Variants in MEOX2 observed in about 807,000 individuals in gnomAD.
The protein encoded by MEOX2 is homeobox protein MOX-2.
MEOX2 carries 11 observed loss-of-function variants against 27.0 expected under a neutral mutation model. The ratio of observed to expected loss-of-function variants is 0.41; its 90% CI spans 0.26 to 0.68. The LOEUF is 0.68. MEOX2 is among the 30% of genes least tolerant of loss of function. The pLI is 0.33. For missense variants in MEOX2, 436 were observed against 385.4 expected (o/e 1.13, Z -1.10); for synonymous variants, 189 against 155.4 (o/e 1.22, Z -1.61).
chr7:15,661,858 C>G (rs1398495045), intron 1 of MEOX2, among the ~76,000 whole-genome samples: 1 of 152,112 alleles, frequency 6.6e-6, no homozygotes, highest in African/African-American at 2.4e-5. Context: ...TAATGACTGG[C>G]TGGGGTGGCA....
At chr7:15,645,251 A>C (rs1781622926) in intron 1 of MEOX2, among the ~76,000 whole-genome samples, 1 of 152,220 alleles carries the variant, frequency 6.6e-6, no homozygotes, top group Non-Finnish European at 1.5e-5. Context: ...GGGGCTATGC[A>C]AATGTCATTG....
rs1392613024 is a variant in MEOX2 at position 15,611,947 on chromosome 7, C to T, written c.*440G>A. 6.0e-6 allele frequency: 1 copy of T among 165,464 alleles called. No homozygotes were observed. Among genetic ancestry groups the T allele is most frequent in the African/African-American group, 2.4e-5 (1 of 41,738 alleles). The allele number at this position is 165,464 out of a possible 1,614,324, so 10.2% of individuals were successfully genotyped here. On this transcript the variant is annotated 3_prime_UTR_variant, in exon 3 of 3. Transcript: ENST00000262041. ...TTATTCTTGATAGCAATTTAATTTT[C>T]AGTGCAAGCAAAAGCAAATACCTGC...
At chr7:15,645,368 G>A (rs1371701898) in intron 1 of MEOX2, among the ~76,000 whole-genome samples, 3 of 152,066 alleles carry the variant, frequency 2.0e-5, no homozygotes, top group Non-Finnish European at 4.4e-5. Flanking sequence ...TAACAGCTAT[G>A]ACAAATCTAA....
chr7:15,618,874 A>G (rs1781167710), intron 2 of MEOX2, among the ~76,000 whole-genome samples: 1 of 151,972 alleles, frequency 6.6e-6, no homozygotes, highest in Non-Finnish European at 1.5e-5. Flanking sequence ...AGAAAAGTCA[A>G]TAATTTTAAT....
Position 15,686,028 on chromosome 7 carries a change from G to A in MEOX2, c.375C>T (p.Pro125=), listed in dbSNP as rs372315372. 3.1e-6 allele frequency: 5 copies of A among 1,606,616 alleles called. No individual in the cohort carries two copies. Among genetic ancestry groups the A allele is most frequent in the Non-Finnish European group, 4.2e-6 (5 of 1,179,418 alleles). ...AGCTGGAAGAGTTGGAGCACAGGACGGGCGGGCTGCTCCCCAACTCTGGGG... is the reference window on the plus strand; with the variant it reads ...AGCTGGAAGAGTTGGAGCACAGGACAGGCGGGCTGCTCCCCAACTCTGGGG... ...GGPPELGSSP[P]VLCSNSSSLG... The change falls in exon 1 of 3, where the codon CCC becomes CCT. Residue 125 remains proline, a synonymous_variant. Coordinates refer to ENST00000262041, the MANE Select transcript of MEOX2 (RefSeq NM_005924.5).
At chr7:15,679,417 C>T (rs1300277063) in intron 1 of MEOX2, 2 of 152,064 alleles carry the variant, frequency 1.3e-5, no homozygotes, top group Admixed American at 1.3e-4. Flanking sequence ...CCTATGCAAG[C>T]TTTAAGAAAC....
rs550353144 is a variant in MEOX2 at position 15,618,350 on chromosome 7, C to CT, written c.691-5740dup. 4.9e-3 allele frequency among the ~76,000 whole-genome samples: 752 copies of CT among 151,934 alleles called. 8 individuals carry two copies. Among genetic ancestry groups the CT allele is most frequent in the African/African-American group, 0.017 (714 of 41,510 alleles). On this transcript the variant is annotated intron_variant, in intron 2 of 2. Coordinates refer to ENST00000262041, the MANE Select transcript of MEOX2 (RefSeq NM_005924.5). The stretch of plus-strand genomic sequence containing the variant: ...GAAAATATCAAAACTAAATTAGGCA[C>CT]TTTTTTTCTTTATTGTGTTATAAAA...
intron 1 of MEOX2, chr7:15,680,269 C>T (rs1246944204): frequency 1.3e-5 from 2 of 151,752 alleles, no homozygotes; most frequent in South Asian, 2.1e-4. Context: ...TCAATAGATA[C>T]ATTATTGATT....
At chr7:15,617,302 A>G (rs946227039) in intron 2 of MEOX2, among the ~76,000 whole-genome samples, 3 of 152,086 alleles carry the variant, frequency 2.0e-5, no homozygotes, top group East Asian at 3.9e-4. Context: ...TCTAACAAAT[A>G]TTTATTTATA....
intron 1 of MEOX2, chr7:15,678,842 G>A (rs2115396151): frequency 1.3e-5 from 2 of 152,326 alleles, no homozygotes; most frequent in South Asian, 4.1e-4. Flanking sequence ...GAGCCTGACA[G>A]ATGATTTCAC....
intron 1 of MEOX2, among the ~76,000 whole-genome samples, chr7:15,653,518 C>G (rs1042915166): frequency 6.6e-6 from 1 of 151,926 alleles, no homozygotes; most frequent in African/African-American, 2.4e-5. Context: ...TTTTATGGAT[C>G]ATGCTTTTGA....
In MEOX2 at chr7:15,620,723, A is replaced by C. The variant is rs149406967; in HGVS notation, c.690+6023T>G. Among the ~76,000 whole-genome samples the C allele has an allele frequency of 8.5e-5, 13 of 152,362 alleles. 1 individual carries two copies. The highest frequency in any genetic ancestry group is 2.2e-4 in the African/African-American group (9 of 41,586). The stretch of plus-strand genomic sequence containing the variant: ...GCCATTTGATGATTTATGAGTAAAA[A>C]ACAAAACATAATCCCTCTCATTTCC... On this transcript the variant is annotated intron_variant, in intron 2 of 2. Coordinates refer to ENST00000262041, the MANE Select transcript of MEOX2 (RefSeq NM_005924.5).
chr7:15,658,759 T>C (rs1023761961), intron 1 of MEOX2, among the ~76,000 whole-genome samples: 3 of 152,148 alleles, frequency 2.0e-5, no homozygotes, highest in Non-Finnish European at 4.4e-5. Flanking sequence ...TGTGAGGACA[T>C]AGTGAGAAGA....
At chr7:15,620,666 A>G (rs930209120) in intron 2 of MEOX2, among the ~76,000 whole-genome samples, 2 of 152,236 alleles carry the variant, frequency 1.3e-5, no homozygotes, top group Admixed American at 1.3e-4. Flanking sequence ...CATCAAAAAA[A>G]TGATAGCTAT....
At chr7:15,652,195 ACT>A (rs1781742309) in intron 1 of MEOX2, among the ~76,000 whole-genome samples, 1 of 152,068 alleles carries the variant, frequency 6.6e-6, no homozygotes, top group Non-Finnish European at 1.5e-5. Flanking sequence ...ACATGCTTTT[ACT>A]GTTCAAAAGA....
chr7:15,655,358 C>T (rs1781801494), intron 1 of MEOX2, among the ~76,000 whole-genome samples: 1 of 151,364 alleles, frequency 6.6e-6, no homozygotes, highest in African/African-American at 2.4e-5. Context: ...TTCTTTATTA[C>T]TTTTATATAT....
intron 1 of MEOX2, among the ~76,000 whole-genome samples, chr7:15,678,056 G>A (rs1329355402): frequency 1.3e-5 from 2 of 152,082 alleles, no homozygotes; most frequent in Non-Finnish European, 1.5e-5. Context: ...AAACATGGGT[G>A]GCAGCAAGCC....
intron 1 of MEOX2, among the ~76,000 whole-genome samples, chr7:15,675,800 C>A (rs1158613759): frequency 6.6e-6 from 1 of 152,152 alleles, no homozygotes; most frequent in African/African-American, 2.4e-5. Flanking sequence ...CTTCTTGTCC[C>A]TGCTGTGTAT....
At chr7:15,655,071 C>G (rs1321690517) in intron 1 of MEOX2, among the ~76,000 whole-genome samples, 1 of 151,496 alleles carries the variant, frequency 6.6e-6, no homozygotes. Flanking sequence ...AAATTTAGAA[C>G]TATTCAAAAA....
Sources: gnomAD v4.1 joint callset for allele counts (sites outside exome capture counted in the v4.1 genomes callset) on GRCh38, gnomAD v4.1.1 for gene constraint, MANE v1.5 for transcripts, NCBI Gene and HGNC (gene_info 2026-07-23, HGNC 2026-07-21) for gene names.